IQCK: variants seen among roughly 807,000 people sequenced by gnomAD.
IQCK encodes the protein IQ motif containing K, also known as IQ domain-containing protein K.
Under a neutral mutation model 28.1 loss-of-function variants are expected in IQCK, and 29 were observed. That is an observed-to-expected ratio of 1.03 (90% CI 0.77 to 1.41). IQCK has a LOEUF of 1.41. Ranked by LOEUF, IQCK falls within the 40% of genes most tolerant of loss-of-function variation. The pLI is 0.00. For missense variants in IQCK, 359 were observed against 314.7 expected (o/e 1.14, Z -1.07); for synonymous variants, 113 against 115.1 (o/e 0.98, Z 0.12).
At chr16:19,854,773 G>A (rs2056534256) in intron 9 of IQCK, among the ~76,000 whole-genome samples, 1 of 152,012 alleles carries the variant, frequency 6.6e-6, no homozygotes, top group South Asian at 2.1e-4. Flanking sequence ...AATCCCTGGG[G>A]AGCTGTTAAT....
intron 4 of IQCK, among the ~76,000 whole-genome samples, chr16:19,746,740 A>G (rs760475797): frequency 8.5e-5 from 13 of 152,318 alleles, no homozygotes; most frequent in African/African-American, 2.4e-4. Flanking sequence ...GGGTGACCCA[A>G]TGGTTCTTTA....
At chr16:19,786,795 AAGAGAGAGAG>A in intron 6 of IQCK, among the ~76,000 whole-genome samples, 1 of 99,016 alleles carries the variant, frequency 1.0e-5, no homozygotes, top group Non-Finnish European at 1.7e-5. Flanking sequence ...AAAAGAAAGA[AAGAGAGAGAG>A]AGAGAGAGAA....
intron 3 of IQCK, among the ~76,000 whole-genome samples, 165 bp from the exon 4 acceptor site, chr16:19,735,188 A>C (rs1248494147): frequency 2.6e-5 from 4 of 152,114 alleles, no homozygotes; most frequent in Non-Finnish European, 5.9e-5. Context: ...ATTTTAAGTT[A>C]CTTTAGTTAT....
Position 19,764,130 on chromosome 16 carries a change from C to T in IQCK, c.605+18C>T. 2 of 1,576,298 alleles carry T rather than the reference C, an allele frequency of 1.3e-6. No homozygotes were observed. The highest frequency in any genetic ancestry group is 1.7e-6 in the Non-Finnish European group (2 of 1,148,640). The stretch of plus-strand genomic sequence containing the variant: ...AAGCAACAGTGAGTATGACACAAGG[C>T]TTTGAATAATTTATTCCTAATTTAA... On this transcript the variant is annotated intron_variant, in intron 6 of 7. Coordinates refer to ENST00000564186, the Ensembl canonical transcript of IQCK.
chr16:19,829,195 G>A (rs1567196824), downstream of IQCK, among the ~76,000 whole-genome samples: 1 of 151,698 alleles, frequency 6.6e-6, no homozygotes, highest in Admixed American at 6.6e-5. Context: ...GCAGGCCACA[G>A]GCCATCATGC....
intron 4 of IQCK, among the ~76,000 whole-genome samples, chr16:19,737,129 C>T (rs2054767578): frequency 1.3e-5 from 2 of 151,798 alleles, no homozygotes; most frequent in African/African-American, 4.8e-5. Flanking sequence ...GCCACTGCAC[C>T]CCAGCCTGGA....
chr16:19,827,078 G>T lies in IQCK; in HGVS notation c.743G>T (p.Arg248Leu), dbSNP rs145706007. ...CTGCGTCAGTGGCAGAAGAAACTTC[G>T]CGAGGCCAAGCACATTCACCAGCAA... Residue 248 changes from arginine (R) to leucine (L), a missense_variant, in exon 8 of 8, where the codon CGC becomes CTC. Physicochemically the swap from Arg to Leu is moderately radical, Grantham distance 102. Coordinates refer to ENST00000564186, the Ensembl canonical transcript of IQCK. 16 of 1,614,126 alleles carry T rather than the reference G, an allele frequency of 9.9e-6. No individual in the cohort carries two copies. In the Admixed American group the frequency reaches 1.2e-4, roughly 12 times the overall value.
At chr16:19,842,692 T>C (rs2056375170) in intron 9 of IQCK, among the ~76,000 whole-genome samples, 1 of 152,216 alleles carries the variant, frequency 6.6e-6, no homozygotes, top group Admixed American at 6.5e-5. Flanking sequence ...CAGAGTTCAA[T>C]GTGAAACTCA....
At chr16:19,738,736 G>A (rs1434813040) in intron 4 of IQCK, among the ~76,000 whole-genome samples, 1 of 152,166 alleles carries the variant, frequency 6.6e-6, no homozygotes, top group Non-Finnish European at 1.5e-5. Flanking sequence ...GTGATACAGT[G>A]GTACAGGTAC....
chr16:19,735,438 A>G, exon 4 of IQCK: 1 of 1,612,032 alleles, frequency 6.2e-7, no homozygotes. Flanking sequence ...CGAAGAAAGA[A>G]AAATGTTTTG....
intron 4 of IQCK, among the ~76,000 whole-genome samples, chr16:19,736,680 T>C (rs756176610): frequency 3.3e-5 from 5 of 152,166 alleles, no homozygotes; most frequent in African/African-American, 4.8e-5. Context: ...TGCCAGGCAC[T>C]TTGCTGAGTG....
chr16:19,783,665 A>G (rs914111489), intron 6 of IQCK, among the ~76,000 whole-genome samples: 1 of 152,144 alleles, frequency 6.6e-6, no homozygotes, highest in Non-Finnish European at 1.5e-5. Flanking sequence ...AATTCCCAGG[A>G]CTACTCTTCG....
exon 10 of IQCK, chr16:19,858,348 A>C: frequency 2.2e-6 from 1 of 447,414 alleles, no homozygotes; most frequent in Non-Finnish European, 4.0e-6. Context: ...TCATTAAATG[A>C]GGCTTCCCAT....
intron 9 of IQCK, among the ~76,000 whole-genome samples, chr16:19,847,717 C>A (rs1439369223): frequency 6.6e-6 from 1 of 152,228 alleles, no homozygotes; most frequent in African/African-American, 2.4e-5. Flanking sequence ...ATTATCGTCA[C>A]AAGCTGTGAA....
chr16:19,761,467 T>A (rs1004273650), intron 4 of IQCK: 33 of 453,350 alleles, frequency 7.3e-5, no homozygotes, highest in Non-Finnish European at 1.3e-4. Flanking sequence ...CAAAGAGGAT[T>A]TCCAGGACAC....
At chr16:19,735,565 G>A in intron 4 of IQCK, 115 bp downstream of exon 4, 1 of 836,866 alleles carries the variant, frequency 1.2e-6, no homozygotes, top group Admixed American at 2.1e-5. Context: ...CCCTTCGGGA[G>A]GGAAAGCCTG....
At chr16:19,827,353 A>G (rs1316573549), downstream of IQCK, among the ~76,000 whole-genome samples, 4 of 152,206 alleles carry the variant, frequency 2.6e-5, no homozygotes, top group African/African-American at 9.6e-5. Flanking sequence ...ACAGGGACAA[A>G]TTCAGTGTCT....
intron 4 of IQCK, chr16:19,735,896 T>TA (rs565652086): frequency 1.5e-5 from 5 of 340,990 alleles, no homozygotes; most frequent in African/African-American, 4.3e-5. Context: ...CCCCCATCTC[T>TA]AAAAAAAATT....
At chr16:19,718,300 C>A in exon 1 of IQCK, 1 of 1,601,166 alleles carries the variant, frequency 6.2e-7, no homozygotes, top group East Asian at 2.3e-5. Flanking sequence ...CCGTGGAAAC[C>A]GCGGCCATGG....
Sources: gnomAD v4.1 joint callset for allele counts (sites outside exome capture counted in the v4.1 genomes callset) on GRCh38, gnomAD v4.1.1 for gene constraint, MANE v1.5 for transcripts, NCBI Gene and HGNC (gene_info 2026-07-23, HGNC 2026-07-21) for gene names.